Variants in GTF2A1L observed in about 807,000 individuals in gnomAD.
The protein encoded by GTF2A1L is general transcription factor IIA subunit 1 like, also known as TFIIA-alpha and beta-like factor.
GTF2A1L carries 48 observed loss-of-function variants against 49.7 expected under a neutral mutation model. That is an observed-to-expected ratio of 0.97 (90% CI 0.77 to 1.23). The LOEUF is 1.23. GTF2A1L is among the 50% of genes most tolerant of loss of function. The probability of loss-of-function intolerance (pLI) is 0.00; values close to 1 mark genes in which losing one functional copy is unlikely to be tolerated. For missense variants in GTF2A1L, 736 were observed against 564.8 expected, an observed-to-expected ratio of 1.30 and a Z score of -3.07; for synonymous variants, 246 against 193.5, an observed-to-expected ratio of 1.27 and a Z score of -2.25.
chr2:48,653,978 A>G (rs1014267640), intron 6 of GTF2A1L, among the ~76,000 whole-genome samples: 2 of 149,434 alleles, frequency 1.3e-5, no homozygotes, highest in Admixed American at 6.7e-5. Flanking sequence ...TGTAGATTTT[A>G]TATGTGTAAA....
Position 48,669,913 on chromosome 2 carries a change from T to A in GTF2A1L, c.1170T>A (p.Ser390Arg). 6.2e-7 allele frequency: 1 copy of A among 1,614,100 alleles called. No homozygotes were observed. The highest frequency in any genetic ancestry group is 8.5e-7 in the Non-Finnish European group (1 of 1,180,012). The change falls in exon 7 of 9, where the codon AGT becomes AGA. Residue 390 changes from serine to arginine, a missense_variant. Ser to Arg is a moderately radical substitution (Grantham distance 110). Coordinates refer to ENST00000403751, the MANE Select transcript of GTF2A1L (RefSeq NM_006872.5). The part of the protein sequence containing the change: ...DLKVPEEEAD[S>R]ISNEDSATNS... ...AGGTACCTGAAGAAGAAGCTGACAG[T>A]ATTTCAAATGAGGATTCAGCCACAA... is the stretch of plus-strand genomic sequence containing the variant.
Position 48,620,845 on chromosome 2 carries a change from A to G in GTF2A1L, c.22-6A>G. The G allele has an allele frequency of 1.4e-6, 2 of 1,380,102 alleles. No homozygotes were observed. Among genetic ancestry groups the G allele is most frequent in the Non-Finnish European group, 9.4e-7 (1 of 1,063,410 alleles). The allele number at this position is 1,380,102 out of a possible 1,614,324, so 85.5% of individuals were successfully genotyped here. On this transcript the variant is annotated splice_polypyrimidine_tract_variant and splice_region_variant and intron_variant, in intron 1 of 8. Coordinates refer to ENST00000403751, the MANE Select transcript of GTF2A1L (RefSeq NM_006872.5). ...AAATGAAACTTTAACAATTGCTTTT[A>G]TGTAGCCTAAACTCTACAGATCTGT...
At chr2:48,653,868 C>G (rs1423902236) in intron 6 of GTF2A1L, among the ~76,000 whole-genome samples, 2 of 135,108 alleles carry the variant, frequency 1.5e-5, no homozygotes, top group African/African-American at 3.0e-5. Flanking sequence ...ACCCAGTGAG[C>G]TGAGATCATG....
rs1171908275 is a variant in GTF2A1L at position 48,629,665 on chromosome 2, C to T, written c.247+8375C>T. ...AAGGGAAGGACATGAAGTCTATTTT[C>T]AGGCTAAGGGAAAAGGCTTCTGAAG... On this transcript the variant is annotated intron_variant, in intron 3 of 8. Transcript: ENST00000403751. Among the ~76,000 whole-genome samples, 2 of 144,128 alleles carry T rather than the reference C, an allele frequency of 1.4e-5. 1 individual carries two copies. Among genetic ancestry groups the T allele is most frequent in the Non-Finnish European group, 3.1e-5 (2 of 63,920 alleles). The allele number at this position is 144,128 out of a possible 152,430, so 94.6% of individuals were successfully genotyped here.
At chr2:48,670,091 T>C in intron 7 of GTF2A1L, 109 bp downstream of exon 7, 1 of 1,446,020 alleles carries the variant, frequency 6.9e-7, no homozygotes, top group Non-Finnish European at 9.1e-7. Context: ...CTTTACTCTT[T>C]TGAAATAAGA....
chr2:48,651,436 CTTT>C (rs397984530), intron 6 of GTF2A1L, among the ~76,000 whole-genome samples: 106 of 130,872 alleles, frequency 8.1e-4, no homozygotes, highest in African/African-American at 2.5e-3. Context: ...GTTGTGAGTT[CTTT>C]TTTTTTTTTT....
chr2:48,621,689 A>G (rs1409281628), intron 3 of GTF2A1L, among the ~76,000 whole-genome samples: 2 of 152,164 alleles, frequency 1.3e-5, no homozygotes, highest in Admixed American at 6.6e-5. Context: ...TGTATATTAT[A>G]AATCTGATAT....
chr2:48,641,656 C>T (rs1203981995), intron 3 of GTF2A1L, among the ~76,000 whole-genome samples: 1 of 152,066 alleles, frequency 6.6e-6, no homozygotes, highest in East Asian at 1.9e-4. Context: ...GATCCTTCTA[C>T]TGTAGTTATT....
At chr2:48,663,287 T>A (rs562163820) in intron 6 of GTF2A1L, among the ~76,000 whole-genome samples, 1 of 151,952 alleles carries the variant, frequency 6.6e-6, no homozygotes, top group East Asian at 1.9e-4. Flanking sequence ...TACAAAAAAA[T>A]TAGCTGGCCA....
At chr2:48,653,057 A>G (rs1677953720) in intron 6 of GTF2A1L, among the ~76,000 whole-genome samples, 1 of 151,712 alleles carries the variant, frequency 6.6e-6, no homozygotes, top group African/African-American at 2.4e-5. Flanking sequence ...GTGAAACCCC[A>G]TCTCTACTAA....
chr2:48,678,343 ACAATTTGGGAATAAAACT>A (rs1679585445), intron 8 of GTF2A1L, among the ~76,000 whole-genome samples: 1 of 151,962 alleles, frequency 6.6e-6, no homozygotes, highest in Admixed American at 6.6e-5. Context: ...ACTGTGCAAG[ACAATTTGGGAATAAAACT>A]CAGAAAAAAT....
intron 4 of GTF2A1L, among the ~76,000 whole-genome samples, chr2:48,643,078 T>G (rs768533528): frequency 6.6e-6 from 1 of 152,230 alleles, no homozygotes; most frequent in Non-Finnish European, 1.5e-5. Context: ...TGTTATATGC[T>G]TGTTACATCC....
chr2:48,633,275 A>G (rs200865341), intron 3 of GTF2A1L: 5 of 148,024 alleles, frequency 3.4e-5, no homozygotes, highest in Non-Finnish European at 7.2e-5. Flanking sequence ...ACTTCCAGGC[A>G]CAGCCAGTCT....
intron 6 of GTF2A1L, among the ~76,000 whole-genome samples, chr2:48,663,749 C>T (rs1678652035): frequency 6.6e-6 from 1 of 152,046 alleles, no homozygotes; most frequent in Non-Finnish European, 1.5e-5. Context: ...AAGTGATTCT[C>T]CTGCCTCAGC....
At chr2:48,629,323 T>C (rs1384446589) in intron 3 of GTF2A1L, among the ~76,000 whole-genome samples, 1 of 144,286 alleles carries the variant, frequency 6.9e-6, no homozygotes, top group East Asian at 2.0e-4. Context: ...ATTTTGAATT[T>C]TGATGAGGGA....
chr2:48,659,580 C>G (rs1262983703), intron 6 of GTF2A1L, among the ~76,000 whole-genome samples: 1 of 151,866 alleles, frequency 6.6e-6, no homozygotes, highest in African/African-American at 2.4e-5. Flanking sequence ...ACATCTTAAC[C>G]TTATTAATTT....
chr2:48,620,991 T>G, intron 2 of GTF2A1L, 39 bp downstream of exon 2: 1 of 1,585,528 alleles, frequency 6.3e-7, no homozygotes, highest in Non-Finnish European at 8.6e-7. Context: ...TGTCTTTTGT[T>G]GTTTTTTTCA....
intron 6 of GTF2A1L, among the ~76,000 whole-genome samples, chr2:48,658,534 G>A (rs1678306417): frequency 6.6e-6 from 1 of 152,184 alleles, no homozygotes; most frequent in African/African-American, 2.4e-5. Flanking sequence ...GTTAGGTAAT[G>A]TGATGCCTCC....
intron 3 of GTF2A1L, among the ~76,000 whole-genome samples, chr2:48,635,534 A>G (rs977066258): frequency 6.6e-6 from 1 of 152,048 alleles, no homozygotes; most frequent in African/African-American, 2.4e-5. Context: ...TCAGATTGCC[A>G]AGCTGGCCCT....
Sources: gnomAD v4.1 joint callset for allele counts (sites outside exome capture counted in the v4.1 genomes callset) on GRCh38, gnomAD v4.1.1 for gene constraint, MANE v1.5 for transcripts, NCBI Gene and HGNC (gene_info 2026-07-23, HGNC 2026-07-21) for gene names.